The following TRABD variants were observed in gnomAD, a reference collection of about 807,000 sequenced individuals.
The protein encoded by TRABD is traB domain-containing protein.
TRABD carries 23 observed loss-of-function variants against 39.6 expected under a neutral mutation model. The observed-to-expected ratio is 0.58, with a 90% CI of 0.42 to 0.82. TRABD has a LOEUF of 0.82. TRABD is among the 40% of genes least tolerant of loss of function. The probability of loss-of-function intolerance (pLI) is 0.00; values close to 1 mark genes in which losing one functional copy is unlikely to be tolerated. For missense variants in TRABD, 487 were observed against 544.9 expected, an observed-to-expected ratio of 0.89 and a Z score of 1.06; for synonymous variants, 243 against 232.1, an observed-to-expected ratio of 1.05 and a Z score of -0.43.
At chr22:50,197,776 C>CCCCCCCT in intron 7 of TRABD, 47 bp from the exon 8 acceptor site, 1 of 1,439,438 alleles carries the variant, frequency 6.9e-7, no homozygotes, top group Non-Finnish European at 9.7e-7. Context: ...CCCACCCCCC[C>CCCCCCCT]AGCCCGTTGC....
rs1447119874 is a variant in TRABD, at chr22:50,199,405, G to C, written c.*886G>C. 1 of 353,276 alleles carries C rather than the reference G, an allele frequency of 2.8e-6. No individual in the cohort carries two copies. The highest frequency in any genetic ancestry group is 2.1e-5 in the African/African-American group (1 of 46,934). 21.9% of individuals were successfully genotyped at this position (353,276 alleles called of 1,614,324 possible). On this transcript the variant is annotated 3_prime_UTR_variant, in exon 10 of 10. Coordinates refer to ENST00000380909, the MANE Select transcript of TRABD (RefSeq NM_001320485.2). ...CCCCCTGCCCGGCGGCCGTCTGTGT[G>C]CGGGGCCTCCCTCCTGGCTGTCCAG...
At chr22:50,197,428 A>T (rs1569089960) in intron 6 of TRABD, 21 bp from the exon 7 acceptor site, 2 of 1,613,396 alleles carry the variant, frequency 1.2e-6, no homozygotes, top group South Asian at 2.2e-5. Flanking sequence ...ACTGCTCCCC[A>T]ACACCCAGCC....
Position 50,198,505 on chromosome 22 carries a change from G to T in TRABD, c.1117G>T (p.Ala373Ser). 1 of 1,568,086 alleles carries T rather than the reference G, an allele frequency of 6.4e-7. No homozygotes were observed. The highest frequency in any genetic ancestry group is 1.9e-5 in the Admixed American group (1 of 53,416). Reference sequence around the variant, plus strand: ...GTACTGCCTGCAGAGGGTGACCGAGGCCCGGCACAAGTAGGAGACTGCTCC... The same window carrying T: ...GTACTGCCTGCAGAGGGTGACCGAGTCCCGGCACAAGTAGGAGACTGCTCC... ...AQYCLQRVTE[A>S]RHK The change falls in exon 10 of 10, where the codon GCC becomes TCC. Residue 373 changes from alanine to serine, a missense_variant. Coordinates refer to ENST00000380909, the MANE Select transcript of TRABD (RefSeq NM_001320485.2). This position sits in a 1 kb window ranked among gnomAD's most constrained non-coding sequence, Gnocchi z 7.9.
Position 50,199,168 on chromosome 22 carries a change from G to C in TRABD, c.*649G>C, listed in dbSNP as rs8238. On this transcript the variant is annotated 3_prime_UTR_variant, in exon 10 of 10. Coordinates refer to ENST00000380909, the MANE Select transcript of TRABD (RefSeq NM_001320485.2). ...AACACCAGCCTTAAATCCAAAGGGAGAGAATTCGTGTTCTTGGGTCTGTCC... is the reference window on the plus strand; with the variant it reads ...AACACCAGCCTTAAATCCAAAGGGACAGAATTCGTGTTCTTGGGTCTGTCC... 0.54 allele frequency: 386,552 copies of C among 716,382 alleles called. 104,739 individuals carry two copies. Among genetic ancestry groups the C allele is most frequent in the East Asian group, 0.6 (22,467 of 37,470 alleles). The allele number at this position is 716,382 out of a possible 1,614,324, so 44.4% of individuals were successfully genotyped here.
At position 50,197,911 on chromosome 22, in the gene TRABD, A is replaced by G; in HGVS notation, c.760A>G (p.Thr254Ala). The G allele has an allele frequency of 1.2e-6, 2 of 1,612,888 alleles. No homozygotes were observed. The highest frequency in any genetic ancestry group is 1.7e-6 in the Non-Finnish European group (2 of 1,179,904). ...TGGCGAGTTCCCAGACCTGCACCGC[A>G]CCATCGTCTCGGAGCGCGACGTCTA... The part of the protein sequence containing the change: ...MIGEFPDLHR[T>A]IVSERDVYLT... Residue 254 changes from threonine to alanine, a missense_variant, in exon 8 of 10, where the codon ACC becomes GCC. By Grantham distance (58) the Thr-to-Ala change is moderately conservative. Transcript: ENST00000380909.
rs1158457737 is a variant in TRABD, at chr22:50,197,622, AG to A, written c.671+37del. 5.0e-6 allele frequency: 8 copies of A among 1,608,248 alleles called. No individual in the cohort carries two copies. In the South Asian group the frequency reaches 8.8e-5, roughly 18 times the overall value. On this transcript the variant is annotated intron_variant, in intron 7 of 9. Transcript: ENST00000380909. The stretch of plus-strand genomic sequence containing the variant: ...GCCCCCGGGACCCTGGCCGGCCTGC[AG>A]GGTGGTCTGTGGGAGGCTCCAGGCC...
Position 50,198,430 on chromosome 22 carries a change from T to C in TRABD, c.1042T>C (p.Trp348Arg), listed in dbSNP as rs779585137. 2.1e-5 allele frequency: 33 copies of C among 1,595,450 alleles called. No homozygotes were observed. In the East Asian group the frequency reaches 5.8e-4, roughly 28 times the overall value. The change falls in exon 10 of 10, where the codon TGG (tryptophan) becomes CGG (arginine). Residue 348 changes from tryptophan to arginine, a missense_variant. Physicochemically the swap from Trp to Arg is moderately radical, Grantham distance 101. Around this residue, in one of 3 missense-constraint regions of TRABD, gnomAD observed 123 missense variants for 108.3 expected, o/e 1.14. Coordinates refer to ENST00000380909, the MANE Select transcript of TRABD (RefSeq NM_001320485.2). The surrounding 1 kb of genome is among the most constrained non-coding windows in gnomAD (Gnocchi z 7.9). The stretch of plus-strand genomic sequence containing the variant: ...CGGCCTGCTGGGCTACAGCCTGTAC[T>C]GGATGGGCCGCCGCACCGCGAGCCT... ...FFGLLGYSLYWMGRRTASLVL... is the reference protein window; with the variant it reads ...FFGLLGYSLYRMGRRTASLVL...
intron 1 of TRABD, 51 bp downstream of exon 1, chr22:50,186,027 G>C (rs1413941965): frequency 6.9e-6 from 1 of 145,602 alleles, no homozygotes; most frequent in East Asian, 2.1e-4. Flanking sequence ...GCCCAGCACC[G>C]AGCGGGGGGC....
Position 50,198,207 on chromosome 22 carries a change from G to T in TRABD, c.956+21G>T. On this transcript the variant is annotated intron_variant, in intron 9 of 9. Coordinates refer to ENST00000380909, the MANE Select transcript of TRABD (RefSeq NM_001320485.2). The surrounding 1 kb of genome is among the most constrained non-coding windows in gnomAD (Gnocchi z 7.9). The stretch of plus-strand genomic sequence containing the variant: ...ATGACGTGAGTGCCCGCCCCTCCCT[G>T]CAAGCCCCACCCCACAAGCCCCCAG... The T allele has an allele frequency of 6.3e-7, 1 of 1,587,502 alleles. No individual in the cohort carries two copies. Among genetic ancestry groups the T allele is most frequent in the Non-Finnish European group, 8.6e-7 (1 of 1,166,020 alleles).
intron 5 of TRABD, among the ~76,000 whole-genome samples, chr22:50,196,027 A>T (rs897371976): frequency 2.0e-5 from 3 of 152,160 alleles, no homozygotes; most frequent in African/African-American, 7.2e-5. Flanking sequence ...GGGCCCAGTG[A>T]TCTCGAAGGG....
In TRABD at chr22:50,199,069, C is replaced by CT. The variant is rs1482170656; in HGVS notation, c.*556dup. The CT allele has an allele frequency of 1.4e-6, 1 of 713,130 alleles. No homozygotes were observed. The highest frequency in any genetic ancestry group is 2.0e-5 in the Admixed American group (1 of 49,426). The allele number at this position is 713,130 out of a possible 1,614,324, so 44.2% of individuals were successfully genotyped here. On this transcript the variant is annotated 3_prime_UTR_variant, in exon 10 of 10. Coordinates refer to ENST00000380909, the MANE Select transcript of TRABD (RefSeq NM_001320485.2). ...GCCTGCAGGGATTCTGTGTTTTTGGCTTTTTTAATGTCTTAAAATCTTTTA... is the reference window on the plus strand; with the variant it reads ...GCCTGCAGGGATTCTGTGTTTTTGGCTTTTTTTAATGTCTTAAAATCTTTTA...
Position 50,199,269 on chromosome 22 carries a change from C to G in TRABD, c.*750C>G. 1 of 613,858 alleles carries G rather than the reference C, an allele frequency of 1.6e-6. No homozygotes were observed. Among genetic ancestry groups the G allele is most frequent in the Non-Finnish European group, 3.0e-6 (1 of 336,190 alleles). 38.0% of individuals were successfully genotyped at this position (613,858 alleles called of 1,614,324 possible). ...TCAGCTGGGAGCCTGTGTCCTGAGC[C>G]CCCGGAGCGAAGGGGTGCCTGGGGC... is the stretch of plus-strand genomic sequence containing the variant. On this transcript the variant is annotated 3_prime_UTR_variant, in exon 10 of 10. Transcript: ENST00000380909.
intron 1 of TRABD, among the ~76,000 whole-genome samples, chr22:50,191,140 A>C (rs1486365348): frequency 6.6e-6 from 1 of 151,734 alleles, no homozygotes; most frequent in Non-Finnish European, 1.5e-5. Context: ...CCATTGCACC[A>C]CCCACCCCAA....
chr22:50,197,765 C>CCCCCCCCCCCCCCCCCCCAGGG, intron 7 of TRABD, 58 bp from the exon 8 acceptor site: 2 of 754,054 alleles, frequency 2.7e-6, no homozygotes, highest in Non-Finnish European at 4.4e-6. Context: ...ACAGTGCCAG[C>CCCCCCCCCCCCCCCCCCCAGGG]CCCACCCCCC....
intron 5 of TRABD, 148 bp downstream of exon 5, chr22:50,195,188 C>A: frequency 9.2e-7 from 1 of 1,087,630 alleles, no homozygotes; most frequent in Non-Finnish European, 1.3e-6. Context: ...GGGACCTCCC[C>A]TGGGCCAGGA....
intron 1 of TRABD, among the ~76,000 whole-genome samples, chr22:50,190,812 G>A (rs2063883111): frequency 6.6e-6 from 1 of 152,204 alleles, no homozygotes; most frequent in Non-Finnish European, 1.5e-5. Context: ...TTCCGGTCGG[G>A]TTGCATCGTG....
Position 50,193,596 on chromosome 22 carries a change from G to C in TRABD, c.54G>C (p.Val18=). The C allele has an allele frequency of 6.2e-7, 1 of 1,613,856 alleles. No individual in the cohort carries two copies. Among genetic ancestry groups the C allele is most frequent in the Non-Finnish European group, 8.5e-7 (1 of 1,179,970 alleles). The part of the protein sequence containing the change: ...PPHEANVEPV[V]PSEASEPVPR... ...TGCAGGCCAACGTGGAACCTGTTGT[G>C]CCGTCAGAGGCTTCAGAGCCGGTGC... The change falls in exon 3 of 10, where the codon GTG becomes GTC. Residue 18 remains valine (V), a synonymous_variant. Coordinates refer to ENST00000380909, the MANE Select transcript of TRABD (RefSeq NM_001320485.2).
intron 5 of TRABD, 98 bp downstream of exon 5, chr22:50,195,138 G>T: frequency 7.0e-7 from 1 of 1,428,080 alleles, no homozygotes; most frequent in Non-Finnish European, 9.3e-7. Flanking sequence ...CCCCCAGTCA[G>T]TGTGGCTGTG....
chr22:50,189,287 G>A (rs1182373589), intron 1 of TRABD, among the ~76,000 whole-genome samples: 4 of 152,226 alleles, frequency 2.6e-5, no homozygotes, highest in African/African-American at 4.8e-5. Flanking sequence ...CTTAAACGGC[G>A]GCTCCTGCCC....
Sources: gnomAD v4.1 joint callset for allele counts (sites outside exome capture counted in the v4.1 genomes callset) on GRCh38, gnomAD v4.1.1 for gene constraint, gnomAD v4.1.1 regional missense constraint, Gnocchi (gnomAD v3.1) non-coding constraint, MANE v1.5 for transcripts, NCBI Gene and HGNC (gene_info 2026-07-23, HGNC 2026-07-21) for gene names.